The following TESMIN variants were observed in gnomAD, a reference collection of about 807,000 sequenced individuals.
The protein encoded by TESMIN is CXC domain containing 2.
A neutral mutation model predicts 47.4 loss-of-function variants in TESMIN; 34 were observed. The ratio of observed to expected loss-of-function variants is 0.72; its 90% CI spans 0.55 to 0.96. TESMIN has a LOEUF of 0.96. TESMIN is among the 40% of genes least tolerant of loss of function. The pLI is 0.00. For synonymous variants in TESMIN, 278 were observed against 258.9 expected, an observed-to-expected ratio of 1.07 and a Z score of -0.71; for missense variants, 610 against 637.2, an observed-to-expected ratio of 0.96 and a Z score of 0.46.
chr11:68,741,812 C>CTG (rs1170978434), intron 5 of TESMIN, among the ~76,000 whole-genome samples: 1 of 152,214 alleles, frequency 6.6e-6, no homozygotes, highest in Admixed American at 6.5e-5. Context: ...AGCACTGTGA[C>CTG]TGTGGCTGGA....
intron 5 of TESMIN, among the ~76,000 whole-genome samples, chr11:68,739,218 T>G (rs1277316156): frequency 6.6e-6 from 1 of 152,240 alleles, no homozygotes; most frequent in Non-Finnish European, 1.5e-5. Flanking sequence ...CCATGATTTT[T>G]CATGTATTCA....
At chr11:68,727,432 T>G (rs1946278037) in intron 6 of TESMIN, among the ~76,000 whole-genome samples, 1 of 152,172 alleles carries the variant, frequency 6.6e-6, no homozygotes, top group South Asian at 2.1e-4. Flanking sequence ...AGAGCCAGAC[T>G]TTGTGTCAAA....
chr11:68,718,562 G>A lies in TESMIN; in HGVS notation c.918-2623C>T, dbSNP rs149560222. Among the ~76,000 whole-genome samples, 1,402 of 152,196 alleles carry A rather than the reference G, an allele frequency of 9.2e-3. 14 individuals are homozygous for A. Among genetic ancestry groups the A allele is most frequent in the Non-Finnish European group, 0.012 (828 of 68,010 alleles). ...GAAATACTGAATATTAAGAATGAAG[G>A]GGATACAATAATTCCAGAACATTTC... On this transcript the variant is annotated intron_variant, in intron 6 of 9. Transcript: ENST00000255087.
At chr11:68,728,843 G>C (rs1946294797) in intron 6 of TESMIN, among the ~76,000 whole-genome samples, 1 of 152,216 alleles carries the variant, frequency 6.6e-6, no homozygotes, top group Non-Finnish European at 1.5e-5. Context: ...TCTGTTTACA[G>C]CATGATTTAC....
chr11:68,738,759 G>T lies in TESMIN; in HGVS notation c.858C>A (p.Asn286Lys). ...QLEGALPSVV[N>K]GSAFPSGSTL... is the part of the protein sequence containing the mutation. ...TTGATCCCGAGGGGAAAGCAGACCC[G>T]TTGACTACCGATGGTAAGGCTCCCT... Residue 286 changes from asparagine to lysine, a missense_variant, in exon 6 of 10, where the codon AAC (asparagine) becomes AAA (lysine). Transcript: ENST00000255087. 2 of 1,613,988 alleles carry T rather than the reference G, an allele frequency of 1.2e-6. No individual in the cohort carries two copies. Among genetic ancestry groups the T allele is most frequent in the South Asian group, 2.2e-5 (2 of 91,078 alleles).
Position 68,750,291 on chromosome 11 carries a change from A to C in TESMIN, c.370T>G (p.Phe124Val). 6.5e-7 allele frequency: 1 copy of C among 1,550,268 alleles called. No homozygotes were observed. Among genetic ancestry groups the C allele is most frequent in the Non-Finnish European group, 8.7e-7 (1 of 1,154,562 alleles). The change falls in exon 2 of 10, where the codon TTC becomes GTC. Residue 124 changes from phenylalanine to valine, a missense_variant. Physicochemically the swap from Phe to Val is conservative, Grantham distance 50. Transcript: ENST00000255087. Reference protein sequence around the residue: ...APQPPACNVHFLSSLLPAHRS... With the variant: ...APQPPACNVHVLSSLLPAHRS... ...TGCGCGGGTAGCAGCGAGGACAGGAAGTGCACGTTGCAGGCGGGCGGCTGC... is the reference window on the plus strand; with the variant it reads ...TGCGCGGGTAGCAGCGAGGACAGGACGTGCACGTTGCAGGCGGGCGGCTGC...
chr11:68,714,165 C>G (rs4073958), intron 7 of TESMIN, among the ~76,000 whole-genome samples: 93,214 of 152,180 alleles, frequency 0.61, 29,596 homozygotes, highest in East Asian at 0.78. Flanking sequence ...GGCCTCCGTT[C>G]CGCTTCCTGG....
intron 5 of TESMIN, among the ~76,000 whole-genome samples, chr11:68,739,872 T>C (rs1946435934): frequency 6.6e-6 from 1 of 152,238 alleles, no homozygotes; most frequent in South Asian, 2.1e-4. Context: ...CTGAAGAGTT[T>C]TGCATTCTTT....
chr11:68,728,978 T>C (rs1225583801), intron 6 of TESMIN, among the ~76,000 whole-genome samples: 1 of 152,216 alleles, frequency 6.6e-6, no homozygotes, highest in African/African-American at 2.4e-5. Flanking sequence ...AGGAGATTAA[T>C]ATTGTTCTCA....
intron 2 of TESMIN, among the ~76,000 whole-genome samples, chr11:68,749,711 T>C (rs1946565319): frequency 6.6e-6 from 1 of 152,158 alleles, no homozygotes; most frequent in Non-Finnish European, 1.5e-5. Flanking sequence ...AATCCAAGTA[T>C]TAACTCTGAG....
chr11:68,723,920 A>G (rs1322470155), intron 6 of TESMIN, among the ~76,000 whole-genome samples: 6 of 152,178 alleles, frequency 3.9e-5, no homozygotes, highest in African/African-American at 1.4e-4. Flanking sequence ...TCAGACCCAG[A>G]CAGTTTTTCA....
chr11:68,732,250 C>A (rs1946336788), intron 6 of TESMIN, among the ~76,000 whole-genome samples: 1 of 152,212 alleles, frequency 6.6e-6, no homozygotes, highest in Non-Finnish European at 1.5e-5. Context: ...CGTGATGGTA[C>A]ATTCTTTCTT....
At chr11:68,730,927 C>T (rs1946319517) in intron 6 of TESMIN, among the ~76,000 whole-genome samples, 1 of 152,100 alleles carries the variant, frequency 6.6e-6, no homozygotes, top group Non-Finnish European at 1.5e-5. Context: ...AAAATAATTC[C>T]CAACTTTTTA....
In TESMIN at chr11:68,713,319, C is replaced by T. The variant is rs1363407645; in HGVS notation, c.1109G>A (p.Cys370Tyr). Residue 370 changes from cysteine (C) to tyrosine (Y), a missense_variant, in exon 8 of 10, where the codon TGC (cysteine) becomes TAC (tyrosine). Cys to Tyr is a radical substitution (Grantham distance 194, BLOSUM62 -2). Transcript: ENST00000255087. ...CAGGCAGCCTGACCTCCTGCAGTTG[C>T]ACCCTTTGTTGTGCTGGGGCTTGAC... ...GNVKPQHNKGCNCRRSGCLKN... is the reference protein window; with the variant it reads ...GNVKPQHNKGYNCRRSGCLKN... The T allele has an allele frequency of 2.5e-6, 4 of 1,614,204 alleles. No homozygotes were observed. The East Asian group carries it at 6.7e-5, about 27-fold the overall frequency.
rs568018163 is a variant in TESMIN, at chr11:68,749,548, G to A, written c.471+642C>T. Among the ~76,000 whole-genome samples the A allele has an allele frequency of 5.2e-4, 79 of 152,176 alleles. 1 individual carries two copies. Among genetic ancestry groups the A allele is most frequent in the Non-Finnish European group, 9.0e-4 (61 of 68,028 alleles). ...TCATTAGTTTTGGCAAGAACAAAGC[G>A]GAAAATTATCAGCGGTCATCTACAG... On this transcript the variant is annotated intron_variant, in intron 2 of 9. Transcript: ENST00000255087.
In TESMIN at chr11:68,751,410, A is replaced by G. The variant is rs1312105780; in HGVS notation, c.-40+10T>C. Reference sequence around the variant, plus strand: ...GGACCGCCCCGTCATTCCTCCTCGGAGGGACGCACCTGGGGCCGCCGGGGC... The same window carrying G: ...GGACCGCCCCGTCATTCCTCCTCGGGGGGACGCACCTGGGGCCGCCGGGGC... On this transcript the variant is annotated intron_variant, in intron 1 of 9. Coordinates refer to ENST00000255087, the MANE Select transcript of TESMIN (RefSeq NM_004923.3). The G allele has an allele frequency of 6.6e-6, 1 of 151,562 alleles. No homozygotes were observed. The highest frequency in any genetic ancestry group is 1.5e-5 in the Non-Finnish European group (1 of 68,022). 9.4% of individuals were successfully genotyped at this position (151,562 alleles called of 1,614,324 possible).
At chr11:68,715,484 C>T (rs1450075833) in intron 7 of TESMIN, among the ~76,000 whole-genome samples, 3 of 152,236 alleles carry the variant, frequency 2.0e-5, no homozygotes, top group Non-Finnish European at 2.9e-5. Context: ...TACACCTTTG[C>T]GGCTACACTG....
intron 4 of TESMIN, among the ~76,000 whole-genome samples, chr11:68,744,228 C>A (rs1321713244): frequency 6.6e-6 from 1 of 152,200 alleles, no homozygotes; most frequent in Non-Finnish European, 1.5e-5. Context: ...CTATTAGTTT[C>A]AAGTTATAGG....
intron 9 of TESMIN, 102 bp from the exon 10 acceptor site, chr11:68,708,602 A>G: frequency 9.2e-7 from 1 of 1,089,916 alleles, no homozygotes; most frequent in Non-Finnish European, 1.3e-6. Context: ...GCTATTTTAA[A>G]GAACATCATC....
Sources: allele counts gnomAD v4.1 joint callset (sites outside exome capture counted in the v4.1 genomes callset), GRCh38; gene constraint gnomAD v4.1.1; transcripts MANE v1.5; gene names NCBI Gene and HGNC (gene_info 2026-07-23, HGNC 2026-07-21).